The following ELMOD3 variants were observed in gnomAD, a reference collection of about 807,000 sequenced individuals.
The protein encoded by ELMOD3 is ELMO domain-containing protein 3.
A neutral mutation model predicts 47.4 loss-of-function variants in ELMOD3; 36 were observed. The ratio of observed to expected loss-of-function variants is 0.76; its 90% CI spans 0.58 to 1.00. The LOEUF (loss-of-function observed/expected upper bound fraction) is 1.00, where lower values mean the gene tolerates loss of function less well. Ranked by LOEUF, ELMOD3 falls within the 50% of genes least tolerant of loss-of-function variation. The pLI, the probability that ELMOD3 is intolerant of heterozygous loss-of-function variation, is 0.00. For synonymous variants in ELMOD3, 149 were observed against 183.5 expected (o/e 0.81, Z 1.52); for missense variants, 404 against 463.8 (o/e 0.87, Z 1.18).
At chr2:85,375,905 G>A (rs552383386) in intron 10 of ELMOD3, among the ~76,000 whole-genome samples, 16 of 152,254 alleles carry the variant, frequency 1.1e-4, no homozygotes, top group African/African-American at 1.9e-4. Flanking sequence ...CTCTGAGCCC[G>A]ATTCCTCACA....
intron 11 of ELMOD3, among the ~76,000 whole-genome samples, chr2:85,382,950 A>C (rs898715867): frequency 6.7e-5 from 9 of 133,630 alleles, no homozygotes; most frequent in Non-Finnish European, 1.3e-4. Context: ...AAAAAAAAAA[A>C]AAAACAAAAA....
At chr2:85,371,841 C>G (rs1684814624) in intron 10 of ELMOD3, 2 of 315,516 alleles carry the variant, frequency 6.3e-6, no homozygotes, top group East Asian at 1.6e-4. Flanking sequence ...CGAGACCAGC[C>G]TGGCCAACAT....
intron 13 of ELMOD3, 92 bp from the exon 14 acceptor site, chr2:85,390,668 G>A: frequency 8.0e-6 from 12 of 1,501,182 alleles, no homozygotes; most frequent in Non-Finnish European, 1.1e-5. Context: ...GGGGTTGGGG[G>A]TACTCCCTAG....
rs894451472 is a variant in ELMOD3 at position 85,368,723 on chromosome 2, G to C, written c.237G>C (p.Trp79Cys). 6.2e-7 allele frequency: 1 copy of C among 1,614,132 alleles called. No individual in the cohort carries two copies. The highest frequency in any genetic ancestry group is 8.5e-7 in the Non-Finnish European group (1 of 1,180,008). The stretch of plus-strand genomic sequence containing the variant: ...AGGTGGTCAGAGCCCAAGAAGAATG[G>C]GAAGCTGTGGACACCATCCAGCCAG... ...STEVVRAQEE[W>C]EAVDTIQPET... The change falls in exon 7 of 14, where the codon TGG becomes TGC. Residue 79 changes from tryptophan to cysteine, a missense_variant. Physicochemically the swap from Trp to Cys is radical, Grantham distance 215. Transcript: ENST00000409013.
At chr2:85,368,551 G>T in intron 6 of ELMOD3, 135 bp from the exon 7 acceptor site, 2 of 733,180 alleles carry the variant, frequency 2.7e-6, no homozygotes, top group African/African-American at 1.8e-5. Flanking sequence ...CTGCACTCCA[G>T]CCTGGGCAAC....
intron 6 of ELMOD3, among the ~76,000 whole-genome samples, chr2:85,366,981 G>C (rs1382914461): frequency 6.6e-6 from 1 of 152,196 alleles, no homozygotes; most frequent in African/African-American, 2.4e-5. Flanking sequence ...GATGCCGCTA[G>C]CAGTTTGAGC....
At chr2:85,383,760 G>A (rs1239641353) in intron 11 of ELMOD3, among the ~76,000 whole-genome samples, 1 of 152,198 alleles carries the variant, frequency 6.6e-6, no homozygotes, top group Non-Finnish European at 1.5e-5. Context: ...ATTTGTCAAA[G>A]GCCAGGGGTA....
At chr2:85,384,311 T>C (rs1685778207) in intron 11 of ELMOD3, among the ~76,000 whole-genome samples, 1 of 152,176 alleles carries the variant, frequency 6.6e-6, no homozygotes, top group Non-Finnish European at 1.5e-5. Context: ...TTAGAGACAA[T>C]GTACAAAAGT....
chr2:85,365,971 T>G (rs1351375284), intron 6 of ELMOD3, among the ~76,000 whole-genome samples: 2 of 151,518 alleles, frequency 1.3e-5, no homozygotes, highest in Non-Finnish European at 2.9e-5. Flanking sequence ...AGTCCCTTTT[T>G]TTTTGAAACA....
chr2:85,369,992 G>A lies in ELMOD3; in HGVS notation c.360+162G>A, dbSNP rs1573108573. ...GGACCCATGCTTCATTTGGGGCCTT[G>A]GTAGCTTTTGTGGGACTATGCCCTT... is the stretch of plus-strand genomic sequence containing the variant. On this transcript the variant is annotated intron_variant, in intron 8 of 13. Coordinates refer to ENST00000409013, the MANE Select transcript of ELMOD3 (RefSeq NM_001135022.2). 2.0e-5 allele frequency among the ~76,000 whole-genome samples: 3 copies of A among 152,308 alleles called. No homozygotes were observed. In the East Asian group the frequency reaches 5.8e-4, roughly 29 times the overall value.
At chr2:85,373,560 G>A (rs2104611411) in intron 10 of ELMOD3, among the ~76,000 whole-genome samples, 1 of 152,206 alleles carries the variant, frequency 6.6e-6, no homozygotes, top group East Asian at 1.9e-4. Flanking sequence ...GAAAATCTGG[G>A]CCAGGCACGG....
chr2:85,359,910 T>C lies in ELMOD3; in HGVS notation c.55-2276T>C, dbSNP rs79795076. Among the ~76,000 whole-genome samples the C allele has an allele frequency of 7.2e-3, 1,088 of 151,338 alleles. 13 individuals carry two copies. Among genetic ancestry groups the C allele is most frequent in the African/African-American group, 0.025 (1,039 of 41,230 alleles). ...TTTGAGACCAGCCTGGGCAACCATATGTAGACCCCATGGCTACATGGGCAT... is the reference window on the plus strand; with the variant it reads ...TTTGAGACCAGCCTGGGCAACCATACGTAGACCCCATGGCTACATGGGCAT... On this transcript the variant is annotated intron_variant, in intron 4 of 13. Transcript: ENST00000409013.
intron 6 of ELMOD3, among the ~76,000 whole-genome samples, chr2:85,366,936 T>C (rs1409327062): frequency 6.6e-6 from 1 of 152,166 alleles, no homozygotes; most frequent in Non-Finnish European, 1.5e-5. Flanking sequence ...ATTGTTGATG[T>C]CCTCTGTAGC....
chr2:85,387,917 GC>G (rs1431869503), intron 11 of ELMOD3, among the ~76,000 whole-genome samples: 1 of 152,112 alleles, frequency 6.6e-6, no homozygotes, highest in Non-Finnish European at 1.5e-5. Context: ...TGTCCAAGAG[GC>G]CTCTCCCAGT....
intron 11 of ELMOD3, among the ~76,000 whole-genome samples, chr2:85,388,594 A>G (rs1292094392): frequency 1.3e-5 from 2 of 152,184 alleles, no homozygotes; most frequent in Non-Finnish European, 2.9e-5. Flanking sequence ...CCCTGAGAAA[A>G]ATCTCTGTGG....
chr2:85,361,558 C>T (rs894509895), intron 4 of ELMOD3, among the ~76,000 whole-genome samples: 1 of 152,148 alleles, frequency 6.6e-6, no homozygotes, highest in Non-Finnish European at 1.5e-5. Flanking sequence ...ACCACATATC[C>T]TCACTTATAA....
Position 85,365,240 on chromosome 2 carries a change from A to G in ELMOD3, c.199+2074A>G, listed in dbSNP as rs559546117. Among the ~76,000 whole-genome samples, 19 of 151,708 alleles carry G rather than the reference A, an allele frequency of 1.3e-4. No homozygotes were observed. The South Asian group carries it at 3.9e-3, about 31-fold the overall frequency. On this transcript the variant is annotated intron_variant, in intron 6 of 13. Transcript: ENST00000409013. ...ACAAGGTCAGGAGTTCTCTACCAAA[A>G]ATACAAAAATTAGCCAGGAGAATCA...
intron 11 of ELMOD3, chr2:85,387,018 C>A: frequency 1.6e-6 from 2 of 1,248,402 alleles, no homozygotes; most frequent in Non-Finnish European, 1.0e-6. Flanking sequence ...AAGAATGTTC[C>A]TGAGAATGGA....
At chr2:85,360,729 T>G (rs1192602176) in intron 4 of ELMOD3, 1 of 195,226 alleles carries the variant, frequency 5.1e-6, no homozygotes, top group African/African-American at 2.4e-5. Context: ...TTCCAGAAAA[T>G]TCAGTGAATA....
Sources: gnomAD v4.1 joint callset for allele counts (sites outside exome capture counted in the v4.1 genomes callset) on GRCh38, gnomAD v4.1.1 for gene constraint, MANE v1.5 for transcripts, NCBI Gene and HGNC (gene_info 2026-07-23, HGNC 2026-07-21) for gene names.